Variants in NKAIN3 observed in about 807,000 individuals in gnomAD.
NKAIN3 encodes sodium/potassium-transporting ATPase subunit beta-1-interacting protein 3.
In NKAIN3, 25 loss-of-function variants were observed where a neutral mutation model predicts 30.2. That is an observed-to-expected ratio of 0.83 (90% CI 0.60 to 1.16). The LOEUF is 1.16. Ranked by LOEUF, NKAIN3 falls within the 50% of genes most tolerant of loss-of-function variation. The probability of loss-of-function intolerance (pLI) is 0.00; values close to 1 mark genes in which losing one functional copy is unlikely to be tolerated. For missense variants in NKAIN3, 225 were observed against 254.1 expected (o/e 0.89, Z 0.78); for synonymous variants, 91 against 89.6 (o/e 1.02, Z -0.09).
chr8:62,564,233 A>G (rs1416606662), intron 1 of NKAIN3, among the ~76,000 whole-genome samples: 1 of 152,128 alleles, frequency 6.6e-6, no homozygotes, highest in Non-Finnish European at 1.5e-5. Flanking sequence ...AAATATTAAC[A>G]CAAGGTCCCT....
intron 1 of NKAIN3, among the ~76,000 whole-genome samples, chr8:62,458,064 G>C (rs1250678301): frequency 1.3e-5 from 2 of 152,122 alleles, no homozygotes; most frequent in African/African-American, 4.8e-5. Context: ...GAATGCTATA[G>C]TTTTACATGA....
chr8:62,905,495 C>T (rs1821748116), intron 4 of NKAIN3, among the ~76,000 whole-genome samples: 1 of 152,196 alleles, frequency 6.6e-6, no homozygotes, highest in Non-Finnish European at 1.5e-5. Flanking sequence ...AGAAACCTCA[C>T]TGATTTCATA....
intron 1 of NKAIN3, among the ~76,000 whole-genome samples, chr8:62,432,053 C>T (rs1805018399): frequency 6.6e-6 from 1 of 151,696 alleles, no homozygotes; most frequent in South Asian, 2.1e-4. Context: ...GTGGATTTAT[C>T]CTCAAAATGT....
At chr8:62,534,089 C>T (rs1489806933) in intron 1 of NKAIN3, among the ~76,000 whole-genome samples, 1 of 152,134 alleles carries the variant, frequency 6.6e-6, no homozygotes, top group African/African-American at 2.4e-5. Context: ...CTGAGTCTCT[C>T]TCTATTGTCT....
intron 1 of NKAIN3, among the ~76,000 whole-genome samples, chr8:62,401,566 G>A (rs1011266108): frequency 1.6e-4 from 25 of 152,226 alleles, no homozygotes; most frequent in African/African-American, 6.0e-4. Flanking sequence ...TTCTTCTTGG[G>A]AAGGCTCTCC....
intron 3 of NKAIN3, among the ~76,000 whole-genome samples, chr8:62,729,035 A>AAAAC (rs1815370735): frequency 1.8e-5 from 2 of 110,226 alleles, no homozygotes; most frequent in African/African-American, 8.4e-5. Flanking sequence ...AAAAAAAAAA[A>AAAAC]AAAACAAAAA....
intron 1 of NKAIN3, among the ~76,000 whole-genome samples, chr8:62,527,577 G>A (rs1808344348): frequency 6.6e-6 from 1 of 152,140 alleles, no homozygotes; most frequent in South Asian, 2.1e-4. Context: ...CTACCATTAT[G>A]AGTTAATTCA....
chr8:62,831,997 C>T (rs1819211856), intron 4 of NKAIN3, among the ~76,000 whole-genome samples: 1 of 151,972 alleles, frequency 6.6e-6, no homozygotes, highest in East Asian at 1.9e-4. Context: ...CAAAGAGAAG[C>T]CCATCAGGCT....
rs569985394 is a variant in NKAIN3, at chr8:62,984,561, T to C, written c.*19154T>C. 13 of 152,356 alleles carry C rather than the reference T, an allele frequency of 8.5e-5. No individual in the cohort carries two copies. In the South Asian group the frequency reaches 2.5e-3, roughly 29 times the overall value. The allele number at this position is 152,356 out of a possible 1,614,324, so 9.4% of individuals were successfully genotyped here. On this transcript the variant is annotated 3_prime_UTR_variant, in exon 7 of 7. Transcript: ENST00000623646. ...GTAGTGACTTCACTGTATATTAACT[T>C]CTTTTCTACAGATGTTTGACTTATG...
At chr8:62,887,159 C>G (rs1274396838) in intron 4 of NKAIN3, among the ~76,000 whole-genome samples, 1 of 152,146 alleles carries the variant, frequency 6.6e-6, no homozygotes, top group Non-Finnish European at 1.5e-5. Flanking sequence ...TTTCACTTCT[C>G]TCTCTTCTTG....
At chr8:62,273,611 C>T (rs1241376249) in intron 1 of NKAIN3, among the ~76,000 whole-genome samples, 1 of 152,168 alleles carries the variant, frequency 6.6e-6, no homozygotes, top group African/African-American at 2.4e-5. Context: ...AGATGCATGT[C>T]TATGACAAGT....
chr8:62,439,897 A>G (rs1284766571), intron 1 of NKAIN3, among the ~76,000 whole-genome samples: 4 of 152,168 alleles, frequency 2.6e-5, no homozygotes, highest in African/African-American at 9.7e-5. Flanking sequence ...TACTTCAATT[A>G]TGGTTTGTTG....
chr8:62,775,658 C>T (rs1439867122), intron 4 of NKAIN3, among the ~76,000 whole-genome samples: 1 of 151,902 alleles, frequency 6.6e-6, no homozygotes, highest in African/African-American at 2.4e-5. Context: ...TTTATTGACC[C>T]ACTGGTCATT....
intron 4 of NKAIN3, among the ~76,000 whole-genome samples, chr8:62,823,015 G>T (rs1394712190): frequency 6.6e-6 from 1 of 152,132 alleles, no homozygotes; most frequent in East Asian, 1.9e-4. Flanking sequence ...TGGTATAAAA[G>T]ATTTAAAATG....
Position 62,952,763 on chromosome 8 carries a change from C to T in NKAIN3, c.533-1139C>T, listed in dbSNP as rs1022290019. Among the ~76,000 whole-genome samples, 10 of 152,274 alleles carry T rather than the reference C, an allele frequency of 6.6e-5. No homozygotes were observed. The South Asian group carries it at 1.9e-3, about 28-fold the overall frequency. On this transcript the variant is annotated intron_variant, in intron 5 of 6. Transcript: ENST00000623646. ...CAGAAAACATTGACATATCTCCTCA[C>T]AAAAGCAAAGGAAGACAAATGAGAA...
chr8:62,770,783 A>T (rs1816984111), intron 4 of NKAIN3, among the ~76,000 whole-genome samples: 1 of 151,778 alleles, frequency 6.6e-6, no homozygotes, highest in Non-Finnish European at 1.5e-5. Context: ...TAAAAGCAGA[A>T]TTAAAAAAAA....
At chr8:62,456,631 C>T (rs756734940) in intron 1 of NKAIN3, among the ~76,000 whole-genome samples, 3 of 152,190 alleles carry the variant, frequency 2.0e-5, no homozygotes, top group African/African-American at 4.8e-5. Flanking sequence ...TTTGCCTTGG[C>T]CTTTTCCCCA....
intron 1 of NKAIN3, among the ~76,000 whole-genome samples, chr8:62,314,023 G>C (rs1380627390): frequency 6.6e-6 from 1 of 152,060 alleles, no homozygotes; most frequent in Non-Finnish European, 1.5e-5. Context: ...TATTTCTCCT[G>C]ATAATCATCT....
At chr8:62,463,629 A>G (rs1806064463) in intron 1 of NKAIN3, among the ~76,000 whole-genome samples, 1 of 152,008 alleles carries the variant, frequency 6.6e-6, no homozygotes, top group Non-Finnish European at 1.5e-5. Context: ...TTTATATGCA[A>G]TTTTTCTTTT....
Sources: gnomAD v4.1 joint callset for allele counts (sites outside exome capture counted in the v4.1 genomes callset) on GRCh38, gnomAD v4.1.1 for gene constraint, MANE v1.5 for transcripts, NCBI Gene and HGNC (gene_info 2026-07-23, HGNC 2026-07-21) for gene names.